The following FANCM variants were observed in gnomAD, a reference collection of about 807,000 sequenced individuals.
FANCM encodes Fanconi anemia group M protein.
A neutral mutation model predicts 199.5 loss-of-function variants in FANCM; 140 were observed. The observed-to-expected ratio is 0.70, with a 90% confidence interval of 0.61 to 0.81. The LOEUF is 0.81. Ranked by LOEUF, FANCM falls within the 30% of genes least tolerant of loss-of-function variation. The pLI is 0.00. For synonymous variants in FANCM, 840 were observed against 836.8 expected (o/e 1.00, Z -0.07); for missense variants, 2,410 against 2,421.4 (o/e 1.00, Z 0.10).
intron 11 of FANCM, among the ~76,000 whole-genome samples, chr14:45,169,742 G>A (rs1209429509): frequency 6.6e-6 from 1 of 152,070 alleles, no homozygotes; most frequent in Non-Finnish European, 1.5e-5. Context: ...GCTCTCATCT[G>A]TATTAGCCAG....
In FANCM at chr14:45,197,734, G is replaced by C. The variant is rs994805273; in HGVS notation, c.5717-910G>C. Among the ~76,000 whole-genome samples, 47 of 151,002 alleles carry C rather than the reference G, an allele frequency of 3.1e-4. 1 individual carries two copies. The highest frequency in any genetic ancestry group is 6.0e-4 in the Non-Finnish European group (41 of 67,888). On this transcript the variant is annotated intron_variant, in intron 21 of 22. Coordinates refer to ENST00000267430, the MANE Select transcript of FANCM (RefSeq NM_020937.4). ...CCTGCCTCAGCCTTCCAAAGTGCTG[G>C]GATTACAGGCATGAGCCACCATGCC...
chr14:45,185,908 AT>A, intron 18 of FANCM, among the ~76,000 whole-genome samples: 1 of 152,130 alleles, frequency 6.6e-6, no homozygotes, highest in East Asian at 1.9e-4. Context: ...TTTTAGTTTT[AT>A]TTTTTTAGAG....
intron 14 of FANCM, among the ~76,000 whole-genome samples, chr14:45,177,925 A>G (rs1888818482): frequency 6.6e-6 from 1 of 152,224 alleles, no homozygotes; most frequent in Admixed American, 6.5e-5. Context: ...AAAATCAGAG[A>G]AATCTCTGGG....
At chr14:45,180,551 A>G (rs775041525) in intron 14 of FANCM, among the ~76,000 whole-genome samples, 6 of 151,968 alleles carry the variant, frequency 3.9e-5, no homozygotes, top group Non-Finnish European at 7.4e-5. Flanking sequence ...GGCTCAAGCA[A>G]TCCTCCTGCC....
chr14:45,156,916 C>CAAAAA (rs535786477), intron 8 of FANCM, among the ~76,000 whole-genome samples: 29 of 47,794 alleles, frequency 6.1e-4, no homozygotes, highest in African/African-American at 1.9e-3. Context: ...GACTCTGTCT[C>CAAAAA]AAAAAAAAAA....
intron 9 of FANCM, among the ~76,000 whole-genome samples, 185 bp downstream of exon 9, chr14:45,159,465 T>C (rs2139187787): frequency 6.6e-6 from 1 of 152,164 alleles, no homozygotes; most frequent in Admixed American, 6.5e-5. Context: ...TTTGGAACTT[T>C]TTTTTTTTTA....
At position 45,166,956 on chromosome 14, in the gene FANCM, A is replaced by T; in HGVS notation, c.1795A>T (p.Asn599Tyr). 6.6e-7 allele frequency: 1 copy of T among 1,504,860 alleles called. No individual in the cohort carries two copies. Among genetic ancestry groups the T allele is most frequent in the Non-Finnish European group, 9.3e-7 (1 of 1,081,020 alleles). The allele number at this position is 1,504,860 out of a possible 1,614,324, so 93.2% of individuals were successfully genotyped here. ...TTTCTATTTGTTTTTACAGATTTAT[A>T]ATCAGAGTCAGTCCAACAAAAGAAG... ...LSEGREERIYNQSQSNKRSIY... is the reference protein window; with the variant it reads ...LSEGREERIYYQSQSNKRSIY... Residue 599 changes from asparagine (N) to tyrosine (Y), a missense_variant, in exon 11 of 23, where the codon AAT (asparagine) becomes TAT (tyrosine). Asn to Tyr is a moderately radical substitution (Grantham distance 143). Coordinates refer to ENST00000267430, the MANE Select transcript of FANCM (RefSeq NM_020937.4).
At chr14:45,137,819 A>G (rs1885631835) in intron 2 of FANCM, 1 of 157,678 alleles carries the variant, frequency 6.3e-6, no homozygotes, top group Non-Finnish European at 1.4e-5. Context: ...CAGGTCATTA[A>G]TATTTTATGC....
intron 12 of FANCM, among the ~76,000 whole-genome samples, chr14:45,172,560 TA>T (rs925907078): frequency 3.9e-5 from 6 of 152,170 alleles, no homozygotes; most frequent in African/African-American, 1.4e-4. Flanking sequence ...CAGTTGGCTG[TA>T]AACATAAATT....
chr14:45,198,784 CAAAGAAAG>C lies in FANCM; in HGVS notation c.5860_5867del (p.Arg1954CysfsTer11), dbSNP rs1233611425. ...GCTAAAGGAACTGTCTTTAGTGGAA[CAAAGAAAG>C]AATGTTGGTATTCATGTTCCAACAG... On this transcript the variant is annotated frameshift_variant, in exon 22 of 23. Coordinates refer to ENST00000267430, the MANE Select transcript of FANCM (RefSeq NM_020937.4). LOFTEE classifies it high-confidence loss of function. 6.2e-7 allele frequency: 1 copy of C among 1,613,904 alleles called. No homozygotes were observed.
intron 14 of FANCM, among the ~76,000 whole-genome samples, chr14:45,177,264 T>G (rs1207958655): frequency 2.6e-5 from 4 of 152,166 alleles, no homozygotes; most frequent in Non-Finnish European, 4.4e-5. Flanking sequence ...CATAATTATG[T>G]GACATACGTA....
chr14:45,187,698 T>C (rs560879385), intron 18 of FANCM, 83 bp from the exon 19 acceptor site: 1 of 676,748 alleles, frequency 1.5e-6, no homozygotes, highest in African/African-American at 1.8e-5. Context: ...TCAAGTAAAT[T>C]TGAAATAGAT....
intron 22 of FANCM, among the ~76,000 whole-genome samples, chr14:45,199,444 G>A (rs1270298127): frequency 1.3e-5 from 2 of 152,216 alleles, no homozygotes; most frequent in Non-Finnish European, 2.9e-5. Context: ...GGGTTCTGGA[G>A]AGAGCTTTCT....
intron 11 of FANCM, 55 bp downstream of exon 11, chr14:45,167,218 G>T (rs775978855): frequency 8.3e-6 from 8 of 964,888 alleles, no homozygotes; most frequent in South Asian, 6.5e-5. Flanking sequence ...TACTTAGCAG[G>T]TCGTATCTTG....
Position 45,176,140 on chromosome 14 carries a change from A to G in FANCM, c.3386A>G (p.Asp1129Gly), listed in dbSNP as rs1322601395. 6.2e-7 allele frequency: 1 copy of G among 1,613,972 alleles called. No homozygotes were observed. Among genetic ancestry groups the G allele is most frequent in the African/African-American group, 1.3e-5 (1 of 74,936 alleles). The stretch of plus-strand genomic sequence containing the variant: ...AGTGACCTCCCAGTATTGTCCACTG[A>G]TCAAGATGAAAGTTTGCTGTTATTT... ...DNSDLPVLST[D>G]QDESLLLFED... The change falls in exon 14 of 23, where the codon GAT (aspartate) becomes GGT (glycine). Residue 1129 changes from aspartate (D) to glycine (G), a missense_variant. Physicochemically the swap from Asp to Gly is moderately conservative, Grantham distance 94. Transcript: ENST00000267430.
intron 9 of FANCM, among the ~76,000 whole-genome samples, chr14:45,163,417 C>A (rs757803436): frequency 1.3e-5 from 2 of 152,208 alleles, no homozygotes; most frequent in Admixed American, 1.3e-4. Flanking sequence ...CCACCTCCAC[C>A]ACTCCACTGT....
intron 3 of FANCM, among the ~76,000 whole-genome samples, chr14:45,146,832 CAAAAAAAAAAAAA>C (rs762253487): frequency 2.4e-5 from 1 of 42,168 alleles, no homozygotes; most frequent in Non-Finnish European, 5.4e-5. Flanking sequence ...GACTCTGTCT[CAAAAAAAAAAAAA>C]AAAAAAAAAA....
chr14:45,177,886 G>A (rs1888815229), intron 14 of FANCM, among the ~76,000 whole-genome samples: 1 of 152,156 alleles, frequency 6.6e-6, no homozygotes. Flanking sequence ...AATAAAAACT[G>A]TATTCAGAAG....
chr14:45,142,229 C>T (rs1259978779), intron 3 of FANCM, among the ~76,000 whole-genome samples: 1 of 152,062 alleles, frequency 6.6e-6, no homozygotes, highest in African/African-American at 2.4e-5. Context: ...CTTTTCTGCT[C>T]CAGGGTTCAG....
Sources: gnomAD v4.1 joint callset for allele counts (sites outside exome capture counted in the v4.1 genomes callset) on GRCh38, gnomAD v4.1.1 for gene constraint, MANE v1.5 for transcripts, NCBI Gene and HGNC (gene_info 2026-07-23, HGNC 2026-07-21) for gene names.